The following GPHN variants were observed in gnomAD, a reference collection of about 807,000 sequenced individuals.
GPHN encodes gephyrin.
GPHN carries 17 observed loss-of-function variants against 95.5 expected under a neutral mutation model. That is an observed-to-expected ratio of 0.18 (90% CI 0.12 to 0.27). GPHN has a LOEUF of 0.27. Ranked by LOEUF, GPHN falls within the 10% of genes least tolerant of loss-of-function variation. The pLI is 1.00. For synonymous variants in GPHN, 320 were observed against 322.5 expected (o/e 0.99, Z 0.08); for missense variants, 660 against 978.1 (o/e 0.67, Z 4.34).
the GPHN span, among the ~76,000 whole-genome samples, chr14:67,197,741 T>C: frequency 1.3e-5 from 2 of 152,244 alleles, no homozygotes; most frequent in South Asian, 4.1e-4. Flanking sequence ...TACCATCAAT[T>C]TGGAAGATAG....
chr14:66,890,290 C>T lies in GPHN; in HGVS notation c.389+10257C>T, dbSNP rs565444058. On this transcript the variant is annotated intron_variant, in intron 5 of 22. Coordinates refer to ENST00000478722, the MANE Select transcript of GPHN (RefSeq NM_020806.5). ...AGGTGTAGTGGCACACACCTGTAGT[C>T]CCAGCTACTCAGGGGTCTGAGGCAG... Among the ~76,000 whole-genome samples, 11 of 151,906 alleles carry T rather than the reference C, an allele frequency of 7.2e-5. No individual in the cohort carries two copies. In the South Asian group the frequency reaches 1.7e-3, roughly 23 times the overall value.
intron 4 of GPHN, among the ~76,000 whole-genome samples, chr14:66,873,768 T>G (rs1596232453): frequency 6.6e-6 from 1 of 152,228 alleles, no homozygotes; most frequent in African/African-American, 2.4e-5. Context: ...GGCAGGGGCT[T>G]ATAGATAAAA....
At chr14:66,996,519 T>G (rs2071808678) in intron 9 of GPHN, among the ~76,000 whole-genome samples, 2 of 152,180 alleles carry the variant, frequency 1.3e-5, no homozygotes, top group Non-Finnish European at 2.9e-5. Context: ...ATGACTCTTT[T>G]GAATTAGGTA....
the GPHN span, among the ~76,000 whole-genome samples, chr14:67,222,714 T>C: frequency 6.6e-6 from 1 of 152,202 alleles, no homozygotes; most frequent in Non-Finnish European, 1.5e-5. Context: ...GGTTGTCTTA[T>C]AGGCAAATCT....
the GPHN span, among the ~76,000 whole-genome samples, chr14:67,608,925 C>T: frequency 4.9e-3 from 746 of 152,296 alleles, 36 homozygotes; most frequent in East Asian, 0.082. Context: ...TGTGACCAAG[C>T]GTATGGGGGG....
chr14:67,350,570 C>A, the GPHN span: 2 of 1,524,320 alleles, frequency 1.3e-6, no homozygotes, highest in South Asian at 2.3e-5. Flanking sequence ...AGACTGAAAT[C>A]ACTTTGTTTT....
intron 8 of GPHN, among the ~76,000 whole-genome samples, chr14:66,925,540 T>C (rs7152422): frequency 0.32 from 48,767 of 152,102 alleles, 12,345 homozygotes; most frequent in African/African-American, 0.68. Context: ...GTTTGTCTTT[T>C]TGTGCCTGGC....
At chr14:66,970,085 G>GT (rs76967963) in intron 9 of GPHN, among the ~76,000 whole-genome samples, 1,656 of 98,948 alleles carry the variant, frequency 0.017, 9 homozygotes, top group East Asian at 0.036. Flanking sequence ...AGCAAGTTGT[G>GT]TTTTTTTTTT....
At chr14:66,722,755 T>TA (rs773415859) in intron 2 of GPHN, among the ~76,000 whole-genome samples, 2 of 152,148 alleles carry the variant, frequency 1.3e-5, no homozygotes, top group Non-Finnish European at 2.9e-5. Flanking sequence ...TAAAGCTTAT[T>TA]AAAAAACAAC....
chr14:67,188,043 A>G, the GPHN span, among the ~76,000 whole-genome samples: 1 of 152,208 alleles, frequency 6.6e-6, no homozygotes, highest in African/African-American at 2.4e-5. Context: ...GACCAAAAGA[A>G]TGTACCTTGC....
intron 4 of GPHN, among the ~76,000 whole-genome samples, chr14:66,862,747 T>C (rs1400949265): frequency 1.3e-5 from 2 of 152,118 alleles, no homozygotes; most frequent in Non-Finnish European, 2.9e-5. Context: ...TACTTGATGC[T>C]GAAAAATCAT....
At chr14:67,409,997 C>G in the GPHN span, among the ~76,000 whole-genome samples, 1 of 152,204 alleles carries the variant, frequency 6.6e-6, no homozygotes, top group African/African-American at 2.4e-5. Flanking sequence ...GGGTCAGGCT[C>G]CATCCCAGTC....
At chr14:66,958,905 T>C (rs1412699420) in intron 8 of GPHN, among the ~76,000 whole-genome samples, 1 of 152,164 alleles carries the variant, frequency 6.6e-6, no homozygotes, top group Non-Finnish European at 1.5e-5. Flanking sequence ...TTGTTTTTTA[T>C]CTCCTCTATT....
the GPHN span, among the ~76,000 whole-genome samples, chr14:67,607,380 T>C: frequency 1.3e-5 from 2 of 152,202 alleles, no homozygotes; most frequent in African/African-American, 2.4e-5. Flanking sequence ...TTTGTTTTTG[T>C]TTTTTGAGAT....
chr14:67,703,862 G>A, the GPHN span, among the ~76,000 whole-genome samples: 45 of 152,170 alleles, frequency 3.0e-4, no homozygotes, highest in African/African-American at 9.9e-4. Context: ...TTTTTGGGTA[G>A]AGATGGGGTT....
At chr14:67,543,791 A>C in the GPHN span, among the ~76,000 whole-genome samples, 682 of 146,764 alleles carry the variant, frequency 4.6e-3, 16 homozygotes, top group East Asian at 0.063. Context: ...CAAAAAAAAA[A>C]CCCACTATGA....
intron 18 of GPHN, among the ~76,000 whole-genome samples, chr14:67,156,241 T>C (rs569858489): frequency 2.0e-5 from 3 of 152,036 alleles, no homozygotes; most frequent in African/African-American, 7.2e-5. Flanking sequence ...TATATAAATA[T>C]CAAGTATATA....
rs575286399 is a variant in GPHN, at chr14:66,702,145, C to A, written c.143+20960C>A. Reference sequence around the variant, plus strand: ...GGCTCAGGGACAGAACCCAGATCTCCCTGGGCTTGAACCCCTAGGGGAAGG... The same window carrying A: ...GGCTCAGGGACAGAACCCAGATCTCACTGGGCTTGAACCCCTAGGGGAAGG... On this transcript the variant is annotated intron_variant, in intron 2 of 22. Transcript: ENST00000478722. 3.9e-3 allele frequency among the ~76,000 whole-genome samples: 589 copies of A among 152,302 alleles called. 5 individuals are homozygous for A. The highest frequency in any genetic ancestry group is 0.014 in the African/African-American group (566 of 41,564).
chr14:67,662,712 TG>T, the GPHN span, among the ~76,000 whole-genome samples: 1 of 152,128 alleles, frequency 6.6e-6, no homozygotes, highest in Non-Finnish European at 1.5e-5. Context: ...AAGACCACCC[TG>T]GCCAACCTGG....
Sources: allele counts gnomAD v4.1 joint callset (sites outside exome capture counted in the v4.1 genomes callset), GRCh38; gene constraint gnomAD v4.1.1; transcripts MANE v1.5; gene names NCBI Gene and HGNC (gene_info 2026-07-23, HGNC 2026-07-21).